The following CDYL2 variants were observed in gnomAD, a reference collection of about 807,000 sequenced individuals.
CDYL2 encodes chromodomain Y like 2.
A neutral mutation model predicts 49.4 loss-of-function variants in CDYL2; 23 were observed. The ratio of observed to expected loss-of-function variants is 0.47; its 90% confidence interval spans 0.34 to 0.66. The LOEUF (loss-of-function observed/expected upper bound fraction) is 0.66. Among genes scored for constraint, CDYL2 ranks in the 30% least tolerant of loss-of-function variants. The pLI is 0.01. For synonymous variants in CDYL2, 360 were observed against 268.8 expected (o/e 1.34, Z -3.32); for missense variants, 678 against 656.4 (o/e 1.03, Z -0.36).
rs559591099 is a variant in CDYL2, at chr16:80,677,547, C to T, written c.616+6991G>A. 6.5e-4 allele frequency among the ~76,000 whole-genome samples: 98 copies of T among 151,882 alleles called. 1 individual carries two copies. The highest frequency in any genetic ancestry group is 2.2e-3 in the African/African-American group (92 of 41,462). On this transcript the variant is annotated intron_variant, in intron 2 of 6. Transcript: ENST00000570137. The stretch of plus-strand genomic sequence containing the variant: ...AGGTCAGGAGATGAGACCATGCTGC[C>T]CAACACGGTGAAACCCCGTCTCTAA...
rs181773144 is a variant in CDYL2, at chr16:80,703,922, C to T, written c.25-18793G>A. 5.9e-3 allele frequency among the ~76,000 whole-genome samples: 902 copies of T among 152,294 alleles called. 5 individuals are homozygous for T. Among genetic ancestry groups the T allele is most frequent in the African/African-American group, 0.02 (825 of 41,564 alleles). On this transcript the variant is annotated intron_variant, in intron 1 of 6. Transcript: ENST00000570137. The stretch of plus-strand genomic sequence containing the variant: ...CCACCTCCCTTCTCTTGCCCAGCTG[C>T]GCAGGGTGGGTGCGCCCATCACCAC...
chr16:80,692,256 C>A (rs1243148464), intron 1 of CDYL2, among the ~76,000 whole-genome samples: 1 of 152,138 alleles, frequency 6.6e-6, no homozygotes, highest in Admixed American at 6.5e-5. Context: ...TTCTTCATTT[C>A]AAAAAACTGA....
intron 2 of CDYL2, among the ~76,000 whole-genome samples, chr16:80,666,442 T>C (rs1327103602): frequency 6.6e-6 from 1 of 152,216 alleles, no homozygotes; most frequent in Middle Eastern, 3.4e-3. Context: ...GCAGCCCAAA[T>C]GAGATGCACC....
In CDYL2 at chr16:80,612,937, C is replaced by T. The variant is rs1341865222; in HGVS notation, c.1008-101G>A. ...GGTGCTGTGAGGAGCACCCTCAGGT[C>T]GTCAGAGGTTAGAGGTGCCAGGCAA... On this transcript the variant is annotated intron_variant, in intron 4 of 6. Transcript: ENST00000570137. This position sits in a 1 kb window ranked among gnomAD's most constrained non-coding sequence, Gnocchi z 5.0. The T allele has an allele frequency of 1.3e-5, 15 of 1,113,024 alleles. No homozygotes were observed. The highest frequency in any genetic ancestry group is 1.1e-4 in the East Asian group (4 of 37,890). 68.9% of individuals were successfully genotyped at this position (1,113,024 alleles called of 1,614,324 possible). A position where few individuals can be genotyped will look rare whatever the true frequency, so the allele number is the denominator to read the frequency against.
chr16:80,600,297 T>C lies in CDYL2; in HGVS notation c.*4091A>G, dbSNP rs898835673. ...CTATTTTTCAAAAGAACAAGTGATA[T>C]TAATGAAAAATATTGCCTAAAACGC... On this transcript the variant is annotated 3_prime_UTR_variant, in exon 7 of 7. Transcript: ENST00000570137. 1 of 152,216 alleles carries C rather than the reference T, an allele frequency of 6.6e-6. No individual in the cohort carries two copies. The highest frequency in any genetic ancestry group is 1.5e-5 in the Non-Finnish European group (1 of 68,024). The allele number at this position is 152,216 out of a possible 1,614,324, so 9.4% of individuals were successfully genotyped here.
At chr16:80,654,544 C>T (rs1287890390) in intron 2 of CDYL2, among the ~76,000 whole-genome samples, 1 of 152,214 alleles carries the variant, frequency 6.6e-6, no homozygotes. Flanking sequence ...CCCGTGGCAC[C>T]TAGAAGCCTA....
intron 1 of CDYL2, 138 bp from the exon 2 acceptor site, chr16:80,685,267 G>T: frequency 1.5e-6 from 1 of 656,952 alleles, no homozygotes. Context: ...GCCATTCAAT[G>T]CCAGAAGCCA....
chr16:80,629,885 T>C (rs998726963), intron 3 of CDYL2, among the ~76,000 whole-genome samples: 3 of 152,252 alleles, frequency 2.0e-5, no homozygotes, highest in Non-Finnish European at 4.4e-5. Context: ...GGAACATTTA[T>C]TACATACCTC....
At chr16:80,770,303 G>T (rs1906863518) in intron 1 of CDYL2, among the ~76,000 whole-genome samples, 1 of 152,030 alleles carries the variant, frequency 6.6e-6, no homozygotes, top group African/African-American at 2.4e-5. Context: ...ATATACTTCA[G>T]AAAACTATGT....
In CDYL2 at chr16:80,761,224, A is replaced by C. The variant is rs962676703; in HGVS notation, c.24+42926T>G. 3.9e-5 allele frequency among the ~76,000 whole-genome samples: 6 copies of C among 152,102 alleles called. No individual in the cohort carries two copies. In the East Asian group the frequency reaches 1.2e-3, roughly 29 times the overall value. Reference sequence around the variant, plus strand: ...TCTGTTTGAACAAGCCCGCCAGGGGATTCTGGTGGGGCTCCAGGTTGAACC... The same window carrying C: ...TCTGTTTGAACAAGCCCGCCAGGGGCTTCTGGTGGGGCTCCAGGTTGAACC... On this transcript the variant is annotated intron_variant, in intron 1 of 6. Coordinates refer to ENST00000570137, the MANE Select transcript of CDYL2 (RefSeq NM_152342.4).
rs538432449 is a variant in CDYL2, at chr16:80,748,506, TAAAAAAAAAAAAAAAAAAAAAA to T, written c.24+55622_24+55643del. ...CCTGGGCGACAGAGCAAAACTCCAT[TAAAAAAAAAAAAAAAAAAAAAA>T]AAAAAAAAAAAACTCAGGTGGGTGA... On this transcript the variant is annotated intron_variant, in intron 1 of 6. Coordinates refer to ENST00000570137, the MANE Select transcript of CDYL2 (RefSeq NM_152342.4). Among the ~76,000 whole-genome samples the T allele has an allele frequency of 4.7e-4, 9 of 19,142 alleles. 1 individual carries two copies. The South Asian group carries it at 0.024, about 51-fold the overall frequency. The allele number at this position is 19,142 out of a possible 152,430, so 12.6% of individuals were successfully genotyped here. A position where few individuals can be genotyped will look rare whatever the true frequency, so the allele number is the denominator to read the frequency against.
chr16:80,630,909 A>G (rs1325419224), intron 3 of CDYL2, among the ~76,000 whole-genome samples: 1 of 151,636 alleles, frequency 6.6e-6, no homozygotes, highest in Non-Finnish European at 1.5e-5. Context: ...GGACAATGCT[A>G]GGTCATTCTA....
At chr16:80,780,491 G>A (rs1431051289) in intron 1 of CDYL2, among the ~76,000 whole-genome samples, 2 of 132,296 alleles carry the variant, frequency 1.5e-5, no homozygotes, top group African/African-American at 2.9e-5. Context: ...TGCAAGCTCC[G>A]CCTCCCAGGT....
intron 2 of CDYL2, among the ~76,000 whole-genome samples, chr16:80,668,367 T>C (rs1909358525): frequency 1.3e-5 from 2 of 152,314 alleles, no homozygotes; most frequent in Non-Finnish European, 1.5e-5. Flanking sequence ...GATATATACA[T>C]ATCTATACCT....
intron 1 of CDYL2, among the ~76,000 whole-genome samples, chr16:80,734,798 G>T (rs547541551): frequency 1.6e-4 from 25 of 152,224 alleles, no homozygotes; most frequent in Non-Finnish European, 3.4e-4. Flanking sequence ...TCTAGAACTG[G>T]TTCCTAATTT....
intron 1 of CDYL2, among the ~76,000 whole-genome samples, chr16:80,735,312 ATAAAT>A (rs1363986642): frequency 6.6e-6 from 1 of 152,240 alleles, no homozygotes; most frequent in African/African-American, 2.4e-5. Context: ...GAGTCTTTAC[ATAAAT>A]TAAATTTTTT....
At chr16:80,625,512 T>C (rs541130559) in intron 3 of CDYL2, among the ~76,000 whole-genome samples, 79 of 152,316 alleles carry the variant, frequency 5.2e-4, no homozygotes, top group South Asian at 4.1e-3. Context: ...CCATGGAACC[T>C]AGCATAGTCA....
intron 1 of CDYL2, among the ~76,000 whole-genome samples, chr16:80,742,946 G>A (rs1191128184): frequency 6.7e-6 from 1 of 148,964 alleles, no homozygotes; most frequent in Non-Finnish European, 1.5e-5. Flanking sequence ...GGACAGATAG[G>A]TGGATGGGTA....
intron 2 of CDYL2, among the ~76,000 whole-genome samples, chr16:80,641,541 T>C (rs535093729): frequency 6.6e-6 from 1 of 152,040 alleles, no homozygotes; most frequent in African/African-American, 2.4e-5. Flanking sequence ...ATGTGGCACA[T>C]ATACACCGTG....
Sources: gnomAD v4.1 joint callset for allele counts (sites outside exome capture counted in the v4.1 genomes callset) on GRCh38, gnomAD v4.1.1 for gene constraint, Gnocchi (gnomAD v3.1) non-coding constraint, MANE v1.5 for transcripts, NCBI Gene and HGNC (gene_info 2026-07-23, HGNC 2026-07-21) for gene names.